The following KCNQ1 variants were observed in gnomAD, a reference collection of about 807,000 sequenced individuals.
The protein encoded by KCNQ1 is potassium voltage-gated channel subfamily Q member 1.
In KCNQ1, 49 loss-of-function variants were observed where a neutral mutation model predicts 72.4. The observed-to-expected ratio is 0.68, with a 90% CI of 0.54 to 0.86. KCNQ1 has a LOEUF of 0.86. KCNQ1 is among the 40% of genes least tolerant of loss of function. KCNQ1 has a pLI of 0.00. For missense variants in KCNQ1, 790 were observed against 945.1 expected (o/e 0.84, Z 2.15); for synonymous variants, 450 against 412.6 (o/e 1.09, Z -1.10).
In KCNQ1 at chr11:2,563,750, G is replaced by T. The variant is rs1324151166; in HGVS notation, c.478-6878G>T. 1.3e-5 allele frequency among the ~76,000 whole-genome samples: 2 copies of T among 152,342 alleles called. No homozygotes were observed. The highest frequency in any genetic ancestry group is 2.1e-4 in the South Asian group (1 of 4,824). ...GAAACAAGATTAGGGGAATTTTACA[G>T]CTTGCCTGTGTTTTTCCACCCAGGG... is the stretch of plus-strand genomic sequence containing the variant. On this transcript the variant is annotated intron_variant, in intron 2 of 15. Coordinates refer to ENST00000155840, the MANE Select transcript of KCNQ1 (RefSeq NM_000218.3). The surrounding 1 kb of genome is among the most constrained non-coding windows in gnomAD (Gnocchi z 7.4).
intron 6 of KCNQ1, among the ~76,000 whole-genome samples, chr11:2,574,462 C>G (rs1181863272): frequency 6.6e-6 from 1 of 151,772 alleles, no homozygotes; most frequent in Non-Finnish European, 1.5e-5. Flanking sequence ...CGCACGGGGG[C>G]TGGAGGTGGG....
chr11:2,561,200 CAAA>C (rs1305352795), intron 2 of KCNQ1, among the ~76,000 whole-genome samples: 36 of 58,846 alleles, frequency 6.1e-4, no homozygotes, highest in Non-Finnish European at 1.0e-3. Flanking sequence ...GACTCCGTCT[CAAA>C]AAAAAAAAAA....
chr11:2,733,862 C>G (rs1216250880), intron 11 of KCNQ1, among the ~76,000 whole-genome samples: 1 of 48,296 alleles, frequency 2.1e-5, no homozygotes, highest in Non-Finnish European at 4.0e-5. Context: ...TCTCTCCCCC[C>G]CCACTTCAGG....
chr11:2,630,286 T>C, intron 10 of KCNQ1: 1 of 398,326 alleles, frequency 2.5e-6, no homozygotes, highest in Non-Finnish European at 4.4e-6. Context: ...TATGATTTTT[T>C]TAATGTGCTG....
rs1846940574 is a variant in KCNQ1 at position 2,787,821 on chromosome 11, A to G, written c.1794+9784A>G. Among the ~76,000 whole-genome samples the G allele has an allele frequency of 6.6e-6, 1 of 152,196 alleles. No homozygotes were observed. Among genetic ancestry groups the G allele is most frequent in the South Asian group, 2.1e-4 (1 of 4,828 alleles). ...AGATTCCCATGCCTAAGTCATTTCA[A>G]ACATACTGAAGGGTTTTCTAATAAC... On this transcript the variant is annotated intron_variant, in intron 15 of 15. Transcript: ENST00000155840. This position sits in a 1 kb window ranked among gnomAD's most constrained non-coding sequence, Gnocchi z 6.3.
At position 2,700,657 on chromosome 11, in the gene KCNQ1, G is replaced by A. The variant is rs949548392; in HGVS notation, c.1514+38576G>A. Among the ~76,000 whole-genome samples the A allele has an allele frequency of 3.3e-5, 5 of 152,224 alleles. No homozygotes were observed. The South Asian group carries it at 1.0e-3, about 32-fold the overall frequency. ...CTGCCGCTCACCCCTGAGGACTTGG[G>A]ACCTCAGGGGGTGAGTGGCAGGGGT... On this transcript the variant is annotated intron_variant, in intron 11 of 15. Coordinates refer to ENST00000155840, the MANE Select transcript of KCNQ1 (RefSeq NM_000218.3).
At chr11:2,625,789 T>C in intron 10 of KCNQ1, 2 of 398,164 alleles carry the variant, frequency 5.0e-6, no homozygotes, top group Non-Finnish European at 8.8e-6. Flanking sequence ...CAGGATGGTC[T>C]CAATCTCCTG....
intron 11 of KCNQ1, among the ~76,000 whole-genome samples, chr11:2,751,849 C>T (rs1846231323): frequency 1.3e-5 from 2 of 152,274 alleles, no homozygotes; most frequent in South Asian, 2.1e-4. Context: ...CAAAATGGCA[C>T]TTGCAGAACA....
intron 1 of KCNQ1, among the ~76,000 whole-genome samples, chr11:2,505,933 C>T (rs573677075): frequency 1.2e-4 from 18 of 152,286 alleles, no homozygotes; most frequent in African/African-American, 4.1e-4. Context: ...TCTATTCTGC[C>T]ACTGCCGATA....
In KCNQ1 at chr11:2,663,685, C is replaced by G. The variant is rs570872672; in HGVS notation, c.1514+1604C>G. On this transcript the variant is annotated intron_variant, in intron 11 of 15. Transcript: ENST00000155840. This position sits in a 1 kb window ranked among gnomAD's most constrained non-coding sequence, Gnocchi z 5.2. ...ATCACCCACAGTCCATCTAGCTGGG[C>G]AGCCAGGCCTTACCAACTCTTGGGT... 1.3e-5 allele frequency: 5 copies of G among 398,716 alleles called. No individual in the cohort carries two copies. The East Asian group carries it at 1.8e-4, about 14-fold the overall frequency. 24.7% of individuals were successfully genotyped at this position (398,716 alleles called of 1,614,324 possible). A position where few individuals can be genotyped will look rare whatever the true frequency, so the allele number is the denominator to read the frequency against.
chr11:2,461,741 G>C (rs778436437), intron 1 of KCNQ1: 1 of 1,365,052 alleles, frequency 7.3e-7, no homozygotes, highest in Non-Finnish European at 9.8e-7. Flanking sequence ...TGGACAGATA[G>C]GCAGAGGAAG....
At position 2,544,280 on chromosome 11, in the gene KCNQ1, G is replaced by GCGTATATA. The variant is rs1847869673; in HGVS notation, c.477+16262_477+16263insCGTATATA. On this transcript the variant is annotated intron_variant, in intron 2 of 15. Transcript: ENST00000155840. The surrounding 1 kb of genome is among the most constrained non-coding windows in gnomAD (Gnocchi z 4.4). ...TATATGTGTGTGTGTGTATATATAT[G>GCGTATATA]TGTATATATATATGTATATATGTGT... Among the ~76,000 whole-genome samples the GCGTATATA allele has an allele frequency of 1.3e-5, 1 of 78,302 alleles. No individual in the cohort carries two copies. The highest frequency in any genetic ancestry group is 2.3e-5 in the Non-Finnish European group (1 of 43,862). 51.4% of individuals were successfully genotyped at this position (78,302 alleles called of 152,430 possible). A position where few individuals can be genotyped will look rare whatever the true frequency, so the allele number is the denominator to read the frequency against.
intron 11 of KCNQ1, among the ~76,000 whole-genome samples, chr11:2,727,601 C>A (rs879486876): frequency 2.6e-5 from 4 of 152,196 alleles, no homozygotes; most frequent in African/African-American, 4.8e-5. Context: ...CACCCCGGAT[C>A]CGCTCTCCTC....
At chr11:2,615,894 G>C (rs1463154533) in intron 10 of KCNQ1, 2 of 398,020 alleles carry the variant, frequency 5.0e-6, no homozygotes, top group Non-Finnish European at 8.9e-6. Flanking sequence ...GTATTGCAAA[G>C]TTTTTTCTCC....
At chr11:2,738,367 C>T (rs1052702126) in intron 11 of KCNQ1, among the ~76,000 whole-genome samples, 3 of 152,248 alleles carry the variant, frequency 2.0e-5, no homozygotes, top group South Asian at 4.1e-4. Context: ...GACATTTGTA[C>T]CAAGCAAGGA....
rs1452102785 is a variant in KCNQ1, at chr11:2,592,283, C to T, written c.1393+3429C>T. ...TGAGGACACCTGTGTGTCCTGACAC[C>T]TCACTGAGCCTGTCGAGAGGCACAG... On this transcript the variant is annotated intron_variant, in intron 10 of 15. Coordinates refer to ENST00000155840, the MANE Select transcript of KCNQ1 (RefSeq NM_000218.3). The surrounding 1 kb of genome is among the most constrained non-coding windows in gnomAD (Gnocchi z 5.2). 6.6e-6 allele frequency among the ~76,000 whole-genome samples: 1 copy of T among 152,226 alleles called. No homozygotes were observed. Among genetic ancestry groups the T allele is most frequent in the African/African-American group, 2.4e-5 (1 of 41,458 alleles).
chr11:2,754,730 C>A (rs1286307074), intron 11 of KCNQ1, among the ~76,000 whole-genome samples: 1 of 152,176 alleles, frequency 6.6e-6, no homozygotes, highest in Non-Finnish European at 1.5e-5. Context: ...ATGTTAAAAG[C>A]AAACCTTAAA....
intron 10 of KCNQ1, among the ~76,000 whole-genome samples, chr11:2,606,312 A>G (rs769716411): frequency 1.4e-4 from 21 of 151,940 alleles, no homozygotes; most frequent in Non-Finnish European, 2.4e-4. Flanking sequence ...TACGGTTTGG[A>G]TGTTTGGTCC....
At chr11:2,615,295 T>C (rs766988221) in intron 10 of KCNQ1, 3 of 398,078 alleles carry the variant, frequency 7.5e-6, no homozygotes, top group Non-Finnish European at 1.3e-5. Context: ...GCTCTACTAG[T>C]TTGTGGATTC....
Sources: allele counts gnomAD v4.1 joint callset (sites outside exome capture counted in the v4.1 genomes callset), GRCh38; gene constraint gnomAD v4.1.1; non-coding constraint Gnocchi (gnomAD v3.1); transcripts MANE v1.5; gene names NCBI Gene and HGNC (gene_info 2026-07-23, HGNC 2026-07-21).